The following SUPT3H variants were observed in gnomAD, a reference collection of about 807,000 sequenced individuals.
The protein encoded by SUPT3H is SPT3 homolog, SAGA and STAGA complex component.
SUPT3H carries 44 observed loss-of-function variants against 44.3 expected under a neutral mutation model. The observed-to-expected ratio is 0.99, with a 90% CI of 0.78 to 1.28. The LOEUF (loss-of-function observed/expected upper bound fraction) is 1.28. Ranked by LOEUF, SUPT3H falls within the 50% of genes most tolerant of loss-of-function variation. The pLI, the probability that SUPT3H is intolerant of heterozygous loss-of-function variation, is 0.00. For missense variants in SUPT3H, 380 were observed against 387.1 expected (o/e 0.98, Z 0.15); for synonymous variants, 124 against 125.6 (o/e 0.99, Z 0.09).
intron 11 of SUPT3H, among the ~76,000 whole-genome samples, chr6:44,811,857 G>T (rs1766551051): frequency 6.6e-6 from 1 of 151,376 alleles, no homozygotes; most frequent in Non-Finnish European, 1.5e-5. Context: ...TGATGGGTTG[G>T]TCTTTTTTTT....
intron 2 of SUPT3H, among the ~76,000 whole-genome samples, chr6:45,139,827 G>A (rs945915824): frequency 1.6e-4 from 24 of 151,992 alleles, no homozygotes; most frequent in African/African-American, 4.6e-4. Context: ...TTAGGGAGGC[G>A]GTCACAGGGT....
chr6:45,134,336 A>G (rs1305640468), intron 2 of SUPT3H, among the ~76,000 whole-genome samples: 1 of 152,214 alleles, frequency 6.6e-6, no homozygotes, highest in Non-Finnish European at 1.5e-5. Context: ...TCAACCTCGC[A>G]ATACTGTTGC....
At chr6:45,140,690 C>T (rs1805033824) in intron 2 of SUPT3H, among the ~76,000 whole-genome samples, 1 of 152,130 alleles carries the variant, frequency 6.6e-6, no homozygotes, top group African/African-American at 2.4e-5. Context: ...TTGCTGGTAC[C>T]CATGGCTGGG....
In SUPT3H at chr6:44,961,815, T is replaced by C. The variant is rs1374582893; in HGVS notation, c.518A>G (p.Gln173Arg). 2 of 1,607,598 alleles carry C rather than the reference T, an allele frequency of 1.2e-6. No homozygotes were observed. Among genetic ancestry groups the C allele is most frequent in the Admixed American group, 1.7e-5 (1 of 58,478 alleles). Residue 173 changes from glutamine (Q) to arginine (R), a missense_variant, in exon 7 of 11, where the codon CAA becomes CGA. By Grantham distance (43) the Gln-to-Arg change is conservative (BLOSUM62 1). Coordinates refer to ENST00000371459, the MANE Select transcript of SUPT3H (RefSeq NM_003599.4). ...TTGAGCTGAATCCATAATTCGAGTTTGTCTTTCTGCTCTCTAAAAGATAAA... is the reference window on the plus strand; with the variant it reads ...TTGAGCTGAATCCATAATTCGAGTTCGTCTTTCTGCTCTCTAAAAGATAAA... ...KQERMERAER[Q>R]TRIMDSAQYA...
intron 2 of SUPT3H, among the ~76,000 whole-genome samples, chr6:45,324,972 C>T (rs748205493): frequency 1.5e-4 from 23 of 151,724 alleles, no homozygotes; most frequent in Non-Finnish European, 2.7e-4. Flanking sequence ...ATTTTACTAA[C>T]AGAAGTAGTC....
At chr6:45,225,338 A>T (rs1333827625) in intron 2 of SUPT3H, among the ~76,000 whole-genome samples, 1 of 151,768 alleles carries the variant, frequency 6.6e-6, no homozygotes, top group East Asian at 1.9e-4. Context: ...CAGGATTTTT[A>T]TGTTCTTCAC....
At chr6:44,831,390 G>A (rs1016919605) in intron 10 of SUPT3H, among the ~76,000 whole-genome samples, 2 of 152,074 alleles carry the variant, frequency 1.3e-5, no homozygotes, top group Non-Finnish European at 2.9e-5. Flanking sequence ...CTAAAATTGC[G>A]CTATAGAACA....
At chr6:45,325,251 TAA>T (rs763764567) in intron 2 of SUPT3H, among the ~76,000 whole-genome samples, 2 of 151,696 alleles carry the variant, frequency 1.3e-5, no homozygotes, top group Non-Finnish European at 1.5e-5. Flanking sequence ...TAGCAGCAAA[TAA>T]GTCTAAAATA....
Position 44,913,747 on chromosome 6 carries a change from G to A in SUPT3H, c.912+18906C>T, listed in dbSNP as rs573527124. Among the ~76,000 whole-genome samples the A allele has an allele frequency of 3.9e-5, 6 of 152,196 alleles. No homozygotes were observed. In the South Asian group the frequency reaches 8.3e-4, roughly 21 times the overall value. On this transcript the variant is annotated intron_variant, in intron 10 of 10. Coordinates refer to ENST00000371459, the MANE Select transcript of SUPT3H (RefSeq NM_003599.4). ...ACACATTCATCTAACAAATAGATGC[G>A]TCTTACTGTCCATATTATTCTGCTA... is the stretch of plus-strand genomic sequence containing the variant.
At chr6:45,224,573 T>C (rs375744278) in intron 2 of SUPT3H, among the ~76,000 whole-genome samples, 10 of 151,780 alleles carry the variant, frequency 6.6e-5, no homozygotes, top group Non-Finnish European at 1.3e-4. Context: ...AGGTCAGGAG[T>C]TCGAGACCAG....
intron 2 of SUPT3H, among the ~76,000 whole-genome samples, chr6:45,272,099 G>A (rs1019446861): frequency 2.6e-5 from 4 of 152,178 alleles, no homozygotes; most frequent in African/African-American, 9.7e-5. Flanking sequence ...AGGCTCATAG[G>A]CAGAAAGGAC....
intron 3 of SUPT3H, among the ~76,000 whole-genome samples, chr6:45,046,582 C>T (rs1356811173): frequency 8.5e-5 from 13 of 152,186 alleles, no homozygotes; most frequent in African/African-American, 2.9e-4. Context: ...CCACCCACCT[C>T]GGCCTCCTAA....
At chr6:44,858,880 A>G (rs1324827938) in intron 10 of SUPT3H, among the ~76,000 whole-genome samples, 1 of 152,216 alleles carries the variant, frequency 6.6e-6, no homozygotes, top group Non-Finnish European at 1.5e-5. Flanking sequence ...GGGACTCAAA[A>G]GAGGTAAAAT....
chr6:45,340,941 C>A (rs927205635), intron 2 of SUPT3H, among the ~76,000 whole-genome samples: 1 of 152,076 alleles, frequency 6.6e-6, no homozygotes, highest in Non-Finnish European at 1.5e-5. Context: ...AAGACCTATA[C>A]CCCTACACAT....
intron 3 of SUPT3H, among the ~76,000 whole-genome samples, chr6:45,050,704 A>G (rs978509100): frequency 1.3e-5 from 2 of 152,174 alleles, no homozygotes; most frequent in African/African-American, 2.4e-5. Flanking sequence ...ATGAGTAGGC[A>G]TGTTACATTT....
downstream of SUPT3H, among the ~76,000 whole-genome samples, chr6:44,824,950 G>T (rs532850558): frequency 1.3e-5 from 2 of 152,140 alleles, no homozygotes; most frequent in South Asian, 4.2e-4. Context: ...CCTTTAAAAG[G>T]GTCATTTATT....
At chr6:45,105,641 G>A (rs1409665178) in intron 3 of SUPT3H, among the ~76,000 whole-genome samples, 2 of 152,132 alleles carry the variant, frequency 1.3e-5, no homozygotes, top group Admixed American at 6.5e-5. Flanking sequence ...CTGCTGTGAT[G>A]ATGATGGCTG....
intron 6 of SUPT3H, among the ~76,000 whole-genome samples, chr6:44,979,138 T>A (rs1778748618): frequency 6.6e-6 from 1 of 152,184 alleles, no homozygotes. Flanking sequence ...TTGCATACCC[T>A]CCTTTGCATA....
intron 2 of SUPT3H, among the ~76,000 whole-genome samples, chr6:45,230,684 A>ATATATATATATATG (rs1554294700): frequency 3.5e-4 from 35 of 101,082 alleles, no homozygotes; most frequent in African/African-American, 1.3e-3. Flanking sequence ...ATATATATAT[A>ATATATATATATATG]TATTTTTGAG....
Sources: allele counts gnomAD v4.1 joint callset (sites outside exome capture counted in the v4.1 genomes callset), GRCh38; gene constraint gnomAD v4.1.1; transcripts MANE v1.5; gene names NCBI Gene and HGNC (gene_info 2026-07-23, HGNC 2026-07-21).